The following CREM variants were observed in gnomAD, a reference collection of about 807,000 sequenced individuals.
CREM encodes the protein cAMP-responsive element modulator.
In CREM, 13 loss-of-function variants were observed where a neutral mutation model predicts 37.3. The ratio of observed to expected loss-of-function variants is 0.35; its 90% CI spans 0.23 to 0.55. The LOEUF (loss-of-function observed/expected upper bound fraction) is 0.55. CREM is among the 20% of genes least tolerant of loss of function. The pLI is 0.88. For missense variants in CREM, 296 were observed against 362.3 expected, an observed-to-expected ratio of 0.82 and a Z score of 1.49; for synonymous variants, 124 against 120.2, an observed-to-expected ratio of 1.03 and a Z score of -0.21.
chr10:35,133,414 T>A (rs538584532), intron 1 of CREM, among the ~76,000 whole-genome samples: 1 of 151,874 alleles, frequency 6.6e-6, no homozygotes, highest in East Asian at 1.9e-4. Context: ...TTCTCCTGCC[T>A]CAGCCTCCCA....
chr10:35,211,899 C>T lies in CREM; in HGVS notation c.*501C>T, dbSNP rs2095669691. Reference sequence around the variant, plus strand: ...GAATGGTGGCTTCTTTTCTTTGTATCATTCATCTTCTTCTTTAATCACTTA... The same window carrying T: ...GAATGGTGGCTTCTTTTCTTTGTATTATTCATCTTCTTCTTTAATCACTTA... On this transcript the variant is annotated 3_prime_UTR_variant, in exon 8 of 8. Coordinates refer to ENST00000685392, the MANE Select transcript of CREM (RefSeq NM_183011.2). 1 of 1,178,136 alleles carries T rather than the reference C, an allele frequency of 8.5e-7. No homozygotes were observed. The highest frequency in any genetic ancestry group is 2.8e-5 in the Admixed American group (1 of 36,254). 73.0% of individuals were successfully genotyped at this position (1,178,136 alleles called of 1,614,324 possible). A position where few individuals can be genotyped will look rare whatever the true frequency, so the allele number is the denominator to read the frequency against.
chr10:35,208,132 A>G (rs962250838), intron 7 of CREM, among the ~76,000 whole-genome samples: 2 of 152,102 alleles, frequency 1.3e-5, no homozygotes, highest in Non-Finnish European at 2.9e-5. Flanking sequence ...CCTTTTGTCT[A>G]TTTTTTAACT....
chr10:35,203,941 G>A (rs1002726031), intron 6 of CREM, among the ~76,000 whole-genome samples: 1 of 152,102 alleles, frequency 6.6e-6, no homozygotes, highest in Non-Finnish European at 1.5e-5. Context: ...TGTCAACCTG[G>A]TGTCATGTAA....
At chr10:35,158,592 C>A in intron 3 of CREM, 1 of 157,914 alleles carries the variant, frequency 6.3e-6, no homozygotes, top group South Asian at 1.8e-4. Flanking sequence ...TGGCCTTTGT[C>A]TGCAACATCC....
chr10:35,174,623 G>T (rs2093968132), intron 3 of CREM, among the ~76,000 whole-genome samples: 1 of 152,274 alleles, frequency 6.6e-6, no homozygotes, highest in East Asian at 1.9e-4. Flanking sequence ...AGATGCTGTG[G>T]TTCTACTACC....
chr10:35,153,710 A>G (rs2092729392), intron 3 of CREM, among the ~76,000 whole-genome samples: 1 of 152,234 alleles, frequency 6.6e-6, no homozygotes, highest in African/African-American at 2.4e-5. Context: ...ACTCTTCTTT[A>G]TAAATGACTA....
At chr10:35,204,135 T>C (rs564162939) in intron 6 of CREM, among the ~76,000 whole-genome samples, 1 of 152,380 alleles carries the variant, frequency 6.6e-6, no homozygotes, top group East Asian at 1.9e-4. Flanking sequence ...GATGAAGATA[T>C]GTTAAACAAT....
intron 1 of CREM, among the ~76,000 whole-genome samples, chr10:35,127,856 T>C (rs578107410): frequency 6.6e-6 from 1 of 150,858 alleles, no homozygotes; most frequent in South Asian, 2.1e-4. Context: ...TAAACATACT[T>C]TTTTTTTTTG....
intron 2 of CREM, among the ~76,000 whole-genome samples, chr10:35,140,154 T>A (rs2091223624): frequency 6.6e-6 from 1 of 152,210 alleles, no homozygotes; most frequent in Non-Finnish European, 1.5e-5. Flanking sequence ...TTCAAAAAAA[T>A]AATTTTAGTA....
At chr10:35,133,565 C>T (rs534771428) in intron 1 of CREM, among the ~76,000 whole-genome samples, 21 of 152,314 alleles carry the variant, frequency 1.4e-4, no homozygotes, top group Non-Finnish European at 2.5e-4. Flanking sequence ...TCCGAAAATG[C>T]TGGGATTACA....
chr10:35,167,593 CTG>C (rs747332085), intron 3 of CREM: 7 of 818,224 alleles, frequency 8.6e-6, no homozygotes, highest in South Asian at 1.6e-5. Flanking sequence ...TGTTACAACA[CTG>C]TGAGGTTTTC....
At chr10:35,181,476 C>T (rs915290582) in intron 5 of CREM, among the ~76,000 whole-genome samples, 1 of 152,176 alleles carries the variant, frequency 6.6e-6, no homozygotes, top group Non-Finnish European at 1.5e-5. Flanking sequence ...TACCTGCTCA[C>T]AGCAGGGGGC....
At chr10:35,150,029 T>G (rs1249014007) in intron 3 of CREM, among the ~76,000 whole-genome samples, 3 of 152,028 alleles carry the variant, frequency 2.0e-5, no homozygotes, top group Non-Finnish European at 4.4e-5. Context: ...ATCCAGAGAT[T>G]TAATCATTGT....
At chr10:35,157,065 C>T (rs1353078080) in intron 3 of CREM, among the ~76,000 whole-genome samples, 7 of 152,110 alleles carry the variant, frequency 4.6e-5, no homozygotes, top group Non-Finnish European at 5.9e-5. Flanking sequence ...TACCATTCAT[C>T]CCAGGGATGC....
At chr10:35,168,563 A>G (rs2093660155) in intron 3 of CREM, among the ~76,000 whole-genome samples, 1 of 152,060 alleles carries the variant, frequency 6.6e-6, no homozygotes, top group Non-Finnish European at 1.5e-5. Context: ...CTTCACTTTG[A>G]TCGTAGTTTC....
intron 6 of CREM, among the ~76,000 whole-genome samples, chr10:35,205,634 G>A (rs917811880): frequency 6.6e-6 from 1 of 152,230 alleles, no homozygotes; most frequent in African/African-American, 2.4e-5. Flanking sequence ...GTGTGCTACA[G>A]TCAGCTCCTC....
At chr10:35,140,061 T>C (rs74132501) in intron 2 of CREM, among the ~76,000 whole-genome samples, 36 of 152,290 alleles carry the variant, frequency 2.4e-4, no homozygotes, top group African/African-American at 8.7e-4. Flanking sequence ...GATTTGGATA[T>C]AAATCTGCAG....
intron 1 of CREM, among the ~76,000 whole-genome samples, chr10:35,134,142 G>A (rs1476522773): frequency 6.6e-6 from 1 of 151,386 alleles, no homozygotes; most frequent in Non-Finnish European, 1.5e-5. Flanking sequence ...CGCCTCCTGA[G>A]TTCAAGTGAT....
chr10:35,137,687 G>A (rs939862540), intron 1 of CREM, 95 bp from the exon 2 acceptor site: 5 of 491,860 alleles, frequency 1.0e-5, no homozygotes, highest in Non-Finnish European at 1.7e-5. Flanking sequence ...TCCTGGCCTT[G>A]TTTTGAGAGG....
Sources: gnomAD v4.1 joint callset for allele counts (sites outside exome capture counted in the v4.1 genomes callset) on GRCh38, gnomAD v4.1.1 for gene constraint, MANE v1.5 for transcripts, NCBI Gene and HGNC (gene_info 2026-07-23, HGNC 2026-07-21) for gene names.